VPS13B: variants seen among roughly 807,000 people sequenced by gnomAD.
The protein encoded by VPS13B is vacuolar protein sorting 13 homolog B.
A neutral mutation model predicts 426.4 loss-of-function variants in VPS13B; 285 were observed. That is an observed-to-expected ratio of 0.67 (90% CI 0.61 to 0.74). The LOEUF is 0.74. Ranked by LOEUF, VPS13B falls within the 30% of genes least tolerant of loss-of-function variation. The pLI is 0.00. For missense variants in VPS13B, 4,537 were observed against 4,782.6 expected (o/e 0.95, Z 1.51); for synonymous variants, 1,676 against 1,676.4 (o/e 1.00, Z 0.01).
chr8:99,291,983 A>G (rs1268134230), intron 19 of VPS13B, among the ~76,000 whole-genome samples: 3 of 152,112 alleles, frequency 2.0e-5, no homozygotes, highest in African/African-American at 7.2e-5. Flanking sequence ...TAGGAATCAT[A>G]TTTAAAAATT....
chr8:99,121,145 C>G (rs750449055), intron 7 of VPS13B, 32 bp from the exon 8 acceptor site: 2 of 1,593,338 alleles, frequency 1.3e-6, no homozygotes, highest in African/African-American at 2.7e-5. Context: ...ATCCTTTTGA[C>G]TTATTTAAAA....
chr8:99,835,268 G>C lies in VPS13B; in HGVS notation c.9686G>C (p.Arg3229Pro). The C allele has an allele frequency of 3.1e-6, 5 of 1,613,668 alleles. No homozygotes were observed. The highest frequency in any genetic ancestry group is 4.2e-6 in the Non-Finnish European group (5 of 1,179,766). Reference sequence around the variant, plus strand: ...ACCCTCTCAGAAGACCCTAGTCCTCGAGTAATTATCCACAATAGATGTCCA... The same window carrying C: ...ACCCTCTCAGAAGACCCTAGTCCTCCAGTAATTATCCACAATAGATGTCCA... Reference protein sequence around the residue: ...YLTLSEDPSPRVIIHNRCPVK... With the variant: ...YLTLSEDPSPPVIIHNRCPVK... Residue 3229 changes from arginine (R) to proline (P), a missense_variant, in exon 53 of 62, where the codon CGA becomes CCA. By Grantham distance (103) the Arg-to-Pro change is moderately radical. This residue lies in a region of VPS13B where 4,311 missense variants were observed against 4,474.3 expected (regional missense o/e 0.96). Transcript: ENST00000357162.
chr8:99,020,773 G>T (rs540019783), intron 2 of VPS13B, among the ~76,000 whole-genome samples: 1 of 152,186 alleles, frequency 6.6e-6, no homozygotes, highest in Admixed American at 6.5e-5. Flanking sequence ...TTATTTCTGG[G>T]CTCTCAATCC....
intron 5 of VPS13B, among the ~76,000 whole-genome samples, chr8:99,104,128 A>G (rs1846915553): frequency 6.6e-6 from 1 of 152,220 alleles, no homozygotes; most frequent in Non-Finnish European, 1.5e-5. Flanking sequence ...TATAGCCAGT[A>G]CACAACCTCA....
chr8:99,814,633 A>T (rs1440814468), intron 44 of VPS13B, among the ~76,000 whole-genome samples: 4 of 152,156 alleles, frequency 2.6e-5, no homozygotes, highest in Admixed American at 1.3e-4. Context: ...ACCCTGATCG[A>T]TGGCAAAAGG....
intron 23 of VPS13B, among the ~76,000 whole-genome samples, chr8:99,463,937 T>C (rs930113549): frequency 3.9e-5 from 6 of 152,270 alleles, no homozygotes; most frequent in East Asian, 1.9e-4. Flanking sequence ...TCAGGTGATC[T>C]GCCCACTTCG....
At chr8:99,437,357 T>A (rs1490263483) in intron 22 of VPS13B, among the ~76,000 whole-genome samples, 1 of 151,982 alleles carries the variant, frequency 6.6e-6, no homozygotes, top group Non-Finnish European at 1.5e-5. Context: ...TTAATTATAA[T>A]GGATTATTTT....
rs188471019 is a variant in VPS13B, at chr8:99,076,435, C to T, written c.292-19877C>T. Among the ~76,000 whole-genome samples, 324 of 152,116 alleles carry T rather than the reference C, an allele frequency of 2.1e-3. 2 individuals are homozygous for T. The highest frequency in any genetic ancestry group is 7.3e-3 in the African/African-American group (302 of 41,520). On this transcript the variant is annotated intron_variant, in intron 3 of 61. Transcript: ENST00000357162. ...TTGATTTTCCATGTGGATGATATGTCCCATGCTGAGAGTGGGGTATTCAAA... is the reference window on the plus strand; with the variant it reads ...TTGATTTTCCATGTGGATGATATGTTCCATGCTGAGAGTGGGGTATTCAAA...
intron 17 of VPS13B, among the ~76,000 whole-genome samples, chr8:99,265,842 A>G (rs1283107562): frequency 2.0e-5 from 3 of 152,166 alleles, no homozygotes; most frequent in African/African-American, 4.8e-5. Flanking sequence ...AAGGCTACTC[A>G]TTGCTACTTG....
chr8:99,822,237 A>G (rs1463966793), intron 50 of VPS13B, among the ~76,000 whole-genome samples: 2 of 152,210 alleles, frequency 1.3e-5, no homozygotes, highest in African/African-American at 2.4e-5. Context: ...ATTCAGATTG[A>G]CCTTTTTCAG....
At chr8:99,740,483 A>G (rs1012725891) in intron 39 of VPS13B, among the ~76,000 whole-genome samples, 5 of 152,190 alleles carry the variant, frequency 3.3e-5, no homozygotes, top group African/African-American at 1.2e-4. Flanking sequence ...CGCCACAAAG[A>G]TACTCCTCGA....
At chr8:99,445,165 T>A (rs1405833789) in intron 23 of VPS13B, among the ~76,000 whole-genome samples, 1 of 151,038 alleles carries the variant, frequency 6.6e-6, no homozygotes, top group Admixed American at 6.6e-5. Flanking sequence ...TTTCACTTCC[T>A]TGATGGCTTT....
intron 17 of VPS13B, among the ~76,000 whole-genome samples, chr8:99,256,617 G>T (rs995585605): frequency 3.3e-5 from 5 of 151,876 alleles, no homozygotes; most frequent in African/African-American, 1.2e-4. Flanking sequence ...TCTCTTTGTC[G>T]TTTTGATTTG....
intron 16 of VPS13B, among the ~76,000 whole-genome samples, chr8:99,174,164 C>G (rs1007479761): frequency 6.6e-6 from 1 of 152,100 alleles, no homozygotes; most frequent in African/African-American, 2.4e-5. Context: ...CTTATTCATT[C>G]GTTTGTAAGA....
chr8:99,722,230 T>G (rs1295115603), intron 39 of VPS13B, among the ~76,000 whole-genome samples: 1 of 152,230 alleles, frequency 6.6e-6, no homozygotes, highest in African/African-American at 2.4e-5. Flanking sequence ...ATATCCTGAC[T>G]AGCCCACTAC....
At chr8:99,107,610 T>G (rs1295592840) in intron 5 of VPS13B, among the ~76,000 whole-genome samples, 1 of 152,186 alleles carries the variant, frequency 6.6e-6, no homozygotes, top group Non-Finnish European at 1.5e-5. Context: ...ATCTCCCATG[T>G]GGTTGACATT....
chr8:99,667,543 A>C (rs1171683393), intron 35 of VPS13B, among the ~76,000 whole-genome samples: 1 of 152,194 alleles, frequency 6.6e-6, no homozygotes, highest in Admixed American at 6.5e-5. Flanking sequence ...ATGATATATC[A>C]GCTGTGTGTG....
chr8:99,547,907 A>G (rs1824076911), intron 30 of VPS13B, among the ~76,000 whole-genome samples: 1 of 152,094 alleles, frequency 6.6e-6, no homozygotes, highest in African/African-American at 2.4e-5. Flanking sequence ...CAATAAGGAG[A>G]CAGCAAAGTT....
chr8:99,066,180 G>C (rs893423573), intron 3 of VPS13B, among the ~76,000 whole-genome samples: 18 of 152,226 alleles, frequency 1.2e-4, no homozygotes, highest in African/African-American at 4.3e-4. Context: ...CCAAAAAAGA[G>C]CCTGCATAGG....
Sources: allele counts gnomAD v4.1 joint callset (sites outside exome capture counted in the v4.1 genomes callset), GRCh38; gene constraint gnomAD v4.1.1; regional missense constraint gnomAD v4.1.1; transcripts MANE v1.5; gene names NCBI Gene and HGNC (gene_info 2026-07-23, HGNC 2026-07-21).